Variants in NUB1 observed in about 807,000 individuals in gnomAD.
NUB1 encodes the protein NEDD8 ultimate buster 1.
In NUB1, 41 loss-of-function variants were observed where a neutral mutation model predicts 77.1. That is an observed-to-expected ratio of 0.53 (90% CI 0.41 to 0.69). NUB1 has a LOEUF of 0.69. Among genes scored for constraint, NUB1 ranks in the 30% least tolerant of loss-of-function variants. The pLI is 0.00. For missense variants in NUB1, 643 were observed against 743.8 expected, an observed-to-expected ratio of 0.86 and a Z score of 1.58; for synonymous variants, 257 against 281.0, an observed-to-expected ratio of 0.91 and a Z score of 0.85.
At chr7:151,356,898 G>T (rs1797089819) in intron 7 of NUB1, among the ~76,000 whole-genome samples, 1 of 152,068 alleles carries the variant, frequency 6.6e-6, no homozygotes, top group African/African-American at 2.4e-5. Flanking sequence ...TGTATTTTTA[G>T]TAGAGACAGG....
chr7:151,341,889 A>G, intron 1 of NUB1, 43 bp downstream of exon 1: 1 of 1,460,048 alleles, frequency 6.8e-7, no homozygotes, highest in Non-Finnish European at 9.0e-7. Flanking sequence ...CAGCCTCAGC[A>G]GCACTGCTTG....
chr7:151,358,548 T>C (rs1425128761), intron 7 of NUB1, among the ~76,000 whole-genome samples: 3 of 152,146 alleles, frequency 2.0e-5, no homozygotes, highest in African/African-American at 7.2e-5. Flanking sequence ...GTGAGGGATC[T>C]AGGCTGTGCA....
rs1477846844 is a variant in NUB1 at position 151,349,066 on chromosome 7, T to C, written c.118-7T>C. 9 of 1,595,566 alleles carry C rather than the reference T, an allele frequency of 5.6e-6. No homozygotes were observed. The African/African-American group carries it at 1.2e-4, about 22-fold the overall frequency. On this transcript the variant is annotated splice_polypyrimidine_tract_variant and splice_region_variant and intron_variant, in intron 2 of 14. Transcript: ENST00000568733. ...TCAGTATTGCATTTTCTGATTTTTC[T>C]TGATAGGACCTTGCTAAGCAGTACT...
intron 1 of NUB1, 74 bp from the exon 2 acceptor site, chr7:151,345,274 C>G (rs1796450274): frequency 1.1e-6 from 1 of 937,836 alleles, no homozygotes; most frequent in South Asian, 1.5e-5. Context: ...AACAAAGCAC[C>G]TTAACATGTA....
intron 1 of NUB1, 85 bp from the exon 2 acceptor site, chr7:151,345,263 C>T: frequency 1.2e-6 from 1 of 821,500 alleles, no homozygotes; most frequent in Non-Finnish European, 2.0e-6. Flanking sequence ...TTTGCTTACC[C>T]AACAAAGCAC....
chr7:151,376,031 G>C, intron 13 of NUB1, 88 bp downstream of exon 13: 1 of 839,248 alleles, frequency 1.2e-6, no homozygotes, highest in East Asian at 2.5e-5. Flanking sequence ...AGCAGGACTG[G>C]GGGAGTCCGT....
intron 7 of NUB1, among the ~76,000 whole-genome samples, chr7:151,358,561 C>A (rs972096285): frequency 3.9e-5 from 6 of 152,094 alleles, no homozygotes; most frequent in African/African-American, 1.4e-4. Context: ...GCTGTGCACT[C>A]CTGATGAGAA....
Position 151,355,889 on chromosome 7 carries a change from C to T in NUB1, c.537C>T (p.Ala179=), listed in dbSNP as rs145849650. 1,194 of 1,613,686 alleles carry T rather than the reference C, an allele frequency of 7.4e-4. 13 individuals are homozygous for T. The African/African-American group carries it at 0.014, about 19-fold the overall frequency. ...FQLEEEEQNE[A]KLKEKQIQRT... The stretch of plus-strand genomic sequence containing the variant: ...TAGAGGAAGAGGAGCAAAATGAGGC[C>T]AAACTCAAAGAAAAACAAATTCAGA... Residue 179 remains alanine, a synonymous_variant, in exon 6 of 15, where the codon GCC becomes GCT. Transcript: ENST00000568733.
chr7:151,351,086 G>C (rs1796770978), intron 3 of NUB1: 1 of 278,778 alleles, frequency 3.6e-6, no homozygotes, highest in Admixed American at 5.5e-5. Flanking sequence ...GTTGCCAGGG[G>C]CTGGGGGGCA....
chr7:151,375,758 G>A (rs568512906), intron 12 of NUB1, 90 bp from the exon 13 acceptor site: 19 of 846,498 alleles, frequency 2.2e-5, no homozygotes, highest in South Asian at 2.0e-4. Context: ...AGGACGGCGG[G>A]GTCTGCCTAG....
intron 3 of NUB1, 198 bp from the exon 4 acceptor site, chr7:151,351,223 TGCC>T (rs2150670686): frequency 1.8e-6 from 1 of 557,668 alleles, no homozygotes; most frequent in African/African-American, 1.9e-5. Context: ...GGTGCCACGC[TGCC>T]GCCCCCTTGA....
chr7:151,350,014 T>C (rs1395715466), intron 3 of NUB1, among the ~76,000 whole-genome samples: 1 of 152,176 alleles, frequency 6.6e-6, no homozygotes, highest in Non-Finnish European at 1.5e-5. Flanking sequence ...ATTGATAAGG[T>C]CACAGGAGTC....
In NUB1 at chr7:151,374,219, C is replaced by A. The variant is rs530374847; in HGVS notation, c.1371C>A (p.Ser457Arg). The stretch of plus-strand genomic sequence containing the variant: ...CCCAGCAGGTACTCCACGCAGCCAG[C>A]GGGAACTTGGATGAGGCCCTGAAGG... ...HAAQQVLHAA[S>R]GNLDEALKIL... The change falls in exon 12 of 15, where the codon AGC becomes AGA. Residue 457 changes from serine (S) to arginine (R), a missense_variant. Coordinates refer to ENST00000568733, the MANE Select transcript of NUB1 (RefSeq NM_001243351.2). 1 of 1,559,668 alleles carries A rather than the reference C, an allele frequency of 6.4e-7. No individual in the cohort carries two copies. Among genetic ancestry groups the A allele is most frequent in the South Asian group, 1.2e-5 (1 of 84,392 alleles).
In NUB1 at chr7:151,348,995, A is replaced by G; in HGVS notation, c.118-78A>G. ...TCCACTCATCAGAGTTGATGGCCTT[A>G]GAGTCTTTCATGCCCTTTTCTATAT... On this transcript the variant is annotated intron_variant, in intron 2 of 14. Coordinates refer to ENST00000568733, the MANE Select transcript of NUB1 (RefSeq NM_001243351.2). The G allele has an allele frequency of 3.7e-6, 5 of 1,334,374 alleles. No individual in the cohort carries two copies. In the South Asian group the frequency reaches 5.0e-5, roughly 13 times the overall value. 82.7% of individuals were successfully genotyped at this position (1,334,374 alleles called of 1,614,324 possible).
At chr7:151,351,145 G>T in intron 3 of NUB1, 1 of 398,684 alleles carries the variant, frequency 2.5e-6, no homozygotes, top group Non-Finnish European at 4.5e-6. Context: ...GAGGGATGGT[G>T]GAAATGTTCT....
Position 151,366,931 on chromosome 7 carries a change from C to G in NUB1, c.801-8C>G, listed in dbSNP as rs1340108181. ...TTGGCAGTGATGTCACTGTCCTTCT[C>G]TTTCCAGTGAGTGTTGCAGAGAGCT... On this transcript the variant is annotated splice_polypyrimidine_tract_variant and splice_region_variant and intron_variant, in intron 8 of 14. Coordinates refer to ENST00000568733, the MANE Select transcript of NUB1 (RefSeq NM_001243351.2). 1 of 1,579,798 alleles carries G rather than the reference C, an allele frequency of 6.3e-7. No homozygotes were observed. The highest frequency in any genetic ancestry group is 8.6e-7 in the Non-Finnish European group (1 of 1,162,094).
At chr7:151,364,475 A>T (rs989518262) in intron 8 of NUB1, among the ~76,000 whole-genome samples, 1 of 151,944 alleles carries the variant, frequency 6.6e-6, no homozygotes, top group Non-Finnish European at 1.5e-5. Flanking sequence ...TAAGACAAAC[A>T]TAATAAATTT....
intron 10 of NUB1, among the ~76,000 whole-genome samples, chr7:151,368,359 C>T (rs1018491410): frequency 6.6e-6 from 1 of 152,158 alleles, no homozygotes; most frequent in Non-Finnish European, 1.5e-5. Context: ...GCAGCTGCAC[C>T]CAGCGCTGTG....
Position 151,345,412 on chromosome 7 carries a change from A to C in NUB1, c.63A>C (p.Gln21His), listed in dbSNP as rs1396034462. The C allele has an allele frequency of 6.2e-7, 1 of 1,613,040 alleles. No homozygotes were observed. Among genetic ancestry groups the C allele is most frequent in the South Asian group, 1.1e-5 (1 of 90,932 alleles). The change falls in exon 2 of 15, where the codon CAA becomes CAC. Residue 21 changes from glutamine (Q) to histidine (H), a missense_variant. By Grantham distance (24) the Gln-to-His change is conservative (BLOSUM62 0). Transcript: ENST00000568733. ...AGTTTTTAAGGGAAGACAGGATTCA[A>C]CTTTGGAAACCTCCATATACAGATG... ...LTQFLREDRI[Q>H]LWKPPYTDEN...
Sources: allele counts gnomAD v4.1 joint callset (sites outside exome capture counted in the v4.1 genomes callset), GRCh38; gene constraint gnomAD v4.1.1; transcripts MANE v1.5; gene names NCBI Gene and HGNC (gene_info 2026-07-23, HGNC 2026-07-21).